Variants in ZMYM2 observed in about 807,000 individuals in gnomAD.
The protein encoded by ZMYM2 is zinc finger MYM-type containing 2, also known as zinc finger MYM-type protein 2.
ZMYM2 carries 56 observed loss-of-function variants against 162.8 expected under a neutral mutation model. The ratio of observed to expected loss-of-function variants is 0.34; its 90% CI spans 0.28 to 0.43. ZMYM2 has a LOEUF of 0.43. Ranked by LOEUF, ZMYM2 falls within the 20% of genes least tolerant of loss-of-function variation. ZMYM2 has a pLI of 1.00. For synonymous variants in ZMYM2, 510 were observed against 541.6 expected (o/e 0.94, Z 0.81); for missense variants, 1,275 against 1,621.8 (o/e 0.79, Z 3.67).
the ZMYM2 span, among the ~76,000 whole-genome samples, chr13:19,938,198 CT>C: frequency 6.6e-6 from 1 of 152,050 alleles, no homozygotes; most frequent in Admixed American, 6.6e-5. Context: ...AACGGTATTT[CT>C]AGTTCTAGAT....
In ZMYM2 at chr13:20,074,533, G is replaced by A. The variant is rs554201809; in HGVS notation, c.3453+7143G>A. On this transcript the variant is annotated intron_variant, in intron 21 of 24. Coordinates refer to ENST00000610343, the MANE Select transcript of ZMYM2 (RefSeq NM_197968.4). ...TTAACAGGCATGAGCCACTGTGCCCGGCTTCCTTCCTTTTTTTTTTTTTGA... is the reference window on the plus strand; with the variant it reads ...TTAACAGGCATGAGCCACTGTGCCCAGCTTCCTTCCTTTTTTTTTTTTTGA... Among the ~76,000 whole-genome samples, 14 of 151,520 alleles carry A rather than the reference G, an allele frequency of 9.2e-5. No individual in the cohort carries two copies. In the South Asian group the frequency reaches 2.3e-3, roughly 25 times the overall value.
the ZMYM2 span, among the ~76,000 whole-genome samples, chr13:19,889,978 ATTG>A: frequency 6.6e-6 from 1 of 151,626 alleles, no homozygotes; most frequent in Non-Finnish European, 1.5e-5. Flanking sequence ...TCTTGGTAGG[ATTG>A]TTTTGACCTA....
chr13:19,976,173 C>A (rs1204325948), intron 2 of ZMYM2, among the ~76,000 whole-genome samples: 5 of 151,744 alleles, frequency 3.3e-5, no homozygotes, highest in African/African-American at 1.2e-4. Flanking sequence ...TGTAAAAATA[C>A]AAAAATTAAC....
At position 20,016,513 on chromosome 13, in the gene ZMYM2, C is replaced by T. The variant is rs186564501; in HGVS notation, c.1513-3034C>T. Among the ~76,000 whole-genome samples, 795 of 152,228 alleles carry T rather than the reference C, an allele frequency of 5.2e-3. 29 individuals carry two copies. Among genetic ancestry groups the T allele is most frequent in the Admixed American group, 0.047 (721 of 15,290 alleles). On this transcript the variant is annotated intron_variant, in intron 6 of 24. Transcript: ENST00000610343. ...AATAAAAAGCTTTGACTCCTTTTAG[C>T]ATTTGTTTTGTAGGGTAGATTTAGT...
At chr13:20,073,497 T>C (rs916568323) in intron 21 of ZMYM2, among the ~76,000 whole-genome samples, 1 of 152,230 alleles carries the variant, frequency 6.6e-6, no homozygotes, top group Non-Finnish European at 1.5e-5. Context: ...GTATTGAGTC[T>C]GAGTTGTATT....
In ZMYM2 at chr13:20,083,733, TC is replaced by T; in HGVS notation, c.3900del (p.Arg1301AspfsTer4). ...ACAAATTGAAAACACAGCCAATCCT[TC>T]CAGATGTCCTGTGAAAATGTTTGAA... ...FEQIENTANP[S>X]RCPVKMFECY... On this transcript the variant is annotated frameshift_variant, in exon 24 of 25. Transcript: ENST00000610343. LOFTEE classifies it high-confidence loss of function. 6.2e-7 allele frequency: 1 copy of T among 1,601,432 alleles called. No homozygotes were observed.
At chr13:19,940,942 G>A in the ZMYM2 span, among the ~76,000 whole-genome samples, 3 of 152,148 alleles carry the variant, frequency 2.0e-5, no homozygotes, top group Non-Finnish European at 4.4e-5. Context: ...AGAGACTAGA[G>A]AGATAGAGCT....
At chr13:20,055,703 T>A (rs1955741313) in intron 14 of ZMYM2, among the ~76,000 whole-genome samples, 1 of 152,216 alleles carries the variant, frequency 6.6e-6, no homozygotes, top group Admixed American at 6.5e-5. Context: ...TTTGCCAGTC[T>A]ACCCGAGTGC....
At chr13:20,065,077 T>C (rs1156416814) in intron 19 of ZMYM2, among the ~76,000 whole-genome samples, 3 of 152,178 alleles carry the variant, frequency 2.0e-5, no homozygotes, top group Non-Finnish European at 4.4e-5. Flanking sequence ...AGTTTGATCA[T>C]TCAGGTAGAC....
the ZMYM2 span, among the ~76,000 whole-genome samples, chr13:19,904,776 A>G: frequency 1.3e-5 from 2 of 152,154 alleles, no homozygotes; most frequent in South Asian, 4.1e-4. Flanking sequence ...GCAAAGTGAT[A>G]TCATAAAATA....
At chr13:19,869,553 C>T in the ZMYM2 span, among the ~76,000 whole-genome samples, 5 of 151,962 alleles carry the variant, frequency 3.3e-5, no homozygotes, top group Admixed American at 2.0e-4. Flanking sequence ...TTTGGGAGGC[C>T]GAGGCAGGTG....
At chr13:19,988,803 T>G (rs1409895871) in intron 2 of ZMYM2, among the ~76,000 whole-genome samples, 1 of 152,006 alleles carries the variant, frequency 6.6e-6, no homozygotes, top group African/African-American at 2.4e-5. Context: ...AAAGACAAAT[T>G]AATGATTCAT....
At chr13:20,024,493 C>T (rs1952401339) in intron 7 of ZMYM2, 1 of 219,672 alleles carries the variant, frequency 4.6e-6, no homozygotes, top group African/African-American at 2.2e-5. Flanking sequence ...ACATGGAGGC[C>T]TTCTACAGAC....
At chr13:20,065,350 T>G (rs758069960) in intron 19 of ZMYM2, among the ~76,000 whole-genome samples, 9 of 152,052 alleles carry the variant, frequency 5.9e-5, no homozygotes, top group Non-Finnish European at 1.2e-4. Flanking sequence ...TATAAAACTC[T>G]TAGAAGAAAA....
intron 2 of ZMYM2, among the ~76,000 whole-genome samples, chr13:19,974,741 A>T (rs1036385077): frequency 6.6e-6 from 1 of 152,166 alleles, no homozygotes; most frequent in Non-Finnish European, 1.5e-5. Context: ...AAGTGCTGGG[A>T]TTACAGGCGT....
At chr13:20,080,642 A>AC (rs1376820750) in intron 21 of ZMYM2, among the ~76,000 whole-genome samples, 1 of 152,100 alleles carries the variant, frequency 6.6e-6, no homozygotes, top group African/African-American at 2.4e-5. Context: ...GGCACATGCC[A>AC]CCACGCCTGG....
At chr13:20,039,150 ATCAGCTGAGGGAACTT>A (rs1427993713) in intron 12 of ZMYM2, among the ~76,000 whole-genome samples, 1 of 152,188 alleles carries the variant, frequency 6.6e-6, no homozygotes, top group Non-Finnish European at 1.5e-5. Context: ...GAAGTGGTTT[ATCAGCTGAGGGAACTT>A]TTGGGCTGAG....
chr13:19,981,103 C>G (rs1196257997), intron 2 of ZMYM2, among the ~76,000 whole-genome samples: 1 of 151,972 alleles, frequency 6.6e-6, no homozygotes, highest in Non-Finnish European at 1.5e-5. Context: ...GAGACCTCAT[C>G]TCTACAAGAA....
At chr13:20,002,041 G>A (rs1950431043) in intron 3 of ZMYM2, among the ~76,000 whole-genome samples, 1 of 152,204 alleles carries the variant, frequency 6.6e-6, no homozygotes, top group East Asian at 1.9e-4. Context: ...AGATATGCCT[G>A]TATACATTGG....
Sources: allele counts gnomAD v4.1 joint callset (sites outside exome capture counted in the v4.1 genomes callset), GRCh38; gene constraint gnomAD v4.1.1; transcripts MANE v1.5; gene names NCBI Gene and HGNC (gene_info 2026-07-23, HGNC 2026-07-21).